GRID2: variants seen among roughly 807,000 people sequenced by gnomAD.
GRID2 encodes glutamate ionotropic receptor delta type subunit 2, also known as glutamate receptor ionotropic, delta-2.
A neutral mutation model predicts 114.8 loss-of-function variants in GRID2; 33 were observed. The observed-to-expected ratio is 0.29, with a 90% confidence interval of 0.22 to 0.38. GRID2 has a LOEUF of 0.38. Ranked by LOEUF, GRID2 falls within the 10% of genes least tolerant of loss-of-function variation. The probability of loss-of-function intolerance (pLI) is 1.00; values close to 1 mark genes in which losing one functional copy is unlikely to be tolerated. For synonymous variants in GRID2, 505 were observed against 449.9 expected (o/e 1.12, Z -1.55); for missense variants, 1,184 against 1,257.7 (o/e 0.94, Z 0.89).
intron 8 of GRID2, among the ~76,000 whole-genome samples, chr4:93,389,673 A>G (rs1764653814): frequency 6.6e-6 from 1 of 152,212 alleles, no homozygotes; most frequent in Admixed American, 6.5e-5. Flanking sequence ...TACTTGAGAC[A>G]ATATCCCTAG....
chr4:93,341,346 A>G (rs984328327), intron 8 of GRID2, among the ~76,000 whole-genome samples: 14 of 150,736 alleles, frequency 9.3e-5, no homozygotes, highest in African/African-American at 3.2e-4. Flanking sequence ...TTTCTTTGAG[A>G]CAGAGTCTCA....
intron 4 of GRID2, among the ~76,000 whole-genome samples, chr4:93,190,817 T>C (rs1283480722): frequency 6.6e-6 from 1 of 152,084 alleles, no homozygotes; most frequent in Non-Finnish European, 1.5e-5. Flanking sequence ...TTTGACATAA[T>C]TCTTTTCATT....
chr4:92,943,951 T>C (rs574145502), intron 2 of GRID2, among the ~76,000 whole-genome samples: 1 of 152,258 alleles, frequency 6.6e-6, no homozygotes, highest in Non-Finnish European at 1.5e-5. Flanking sequence ...GGAAGTTTTG[T>C]CTCAGAGGGG....
intron 14 of GRID2, among the ~76,000 whole-genome samples, chr4:93,691,040 T>C (rs993184570): frequency 6.6e-6 from 1 of 150,564 alleles, no homozygotes; most frequent in Non-Finnish European, 1.5e-5. Flanking sequence ...GCTTGACTTT[T>C]AATAAACACT....
rs1254495898 is a variant in GRID2 at position 93,638,310 on chromosome 4, T to TA, written c.2360+11875_2360+11876insA. Among the ~76,000 whole-genome samples, 14 of 41,132 alleles carry TA rather than the reference T, an allele frequency of 3.4e-4. 5 individuals are homozygous for TA. Among genetic ancestry groups the TA allele is most frequent in the African/African-American group, 2.9e-3 (12 of 4,076 alleles). 27.0% of individuals were successfully genotyped at this position (41,132 alleles called of 152,430 possible). On this transcript the variant is annotated intron_variant, in intron 14 of 15. Coordinates refer to ENST00000282020, the MANE Select transcript of GRID2 (RefSeq NM_001510.4). ...TATTTAAAACTTGCATCTTTTTTTTTTTTTTTTTTAATTATACTCTAAGTT... is the reference window on the plus strand; with the variant it reads ...TATTTAAAACTTGCATCTTTTTTTTTATTTTTTTTTAATTATACTCTAAGTT...
chr4:92,944,228 A>C (rs1325974827), intron 2 of GRID2, among the ~76,000 whole-genome samples: 1 of 152,006 alleles, frequency 6.6e-6, no homozygotes, highest in Non-Finnish European at 1.5e-5. Flanking sequence ...GGTGGGCTCC[A>C]CCCAATTTTG....
intron 8 of GRID2, among the ~76,000 whole-genome samples, chr4:93,243,206 A>G (rs1298341681): frequency 1.3e-5 from 2 of 152,046 alleles, no homozygotes; most frequent in East Asian, 3.9e-4. Context: ...TTTAATTACT[A>G]ATTTTTTTAA....
chr4:93,036,519 T>G lies in GRID2; in HGVS notation c.245-48476T>G, dbSNP rs114786406. Among the ~76,000 whole-genome samples, 219 of 152,272 alleles carry G rather than the reference T, an allele frequency of 1.4e-3. 1 individual carries two copies. The highest frequency in any genetic ancestry group is 5.2e-3 in the African/African-American group (216 of 41,578). On this transcript the variant is annotated intron_variant, in intron 2 of 15. Coordinates refer to ENST00000282020, the MANE Select transcript of GRID2 (RefSeq NM_001510.4). ...CATATTAATGAAAATCAAAATAATT[T>G]AAAATATAATAATGGCTTTCAGAGA...
intron 12 of GRID2, among the ~76,000 whole-genome samples, chr4:93,497,978 G>A (rs1047029236): frequency 2.6e-5 from 4 of 151,700 alleles, no homozygotes; most frequent in Non-Finnish European, 5.9e-5. Flanking sequence ...CACTTATTTA[G>A]ATCTTTGATT....
intron 2 of GRID2, among the ~76,000 whole-genome samples, chr4:92,976,573 C>T (rs189480829): frequency 6.6e-6 from 1 of 152,040 alleles, no homozygotes; most frequent in Non-Finnish European, 1.5e-5. Context: ...TAATACATTT[C>T]TGGCACACTA....
chr4:92,469,185 T>G (rs1159104827), intron 1 of GRID2, among the ~76,000 whole-genome samples: 1 of 152,178 alleles, frequency 6.6e-6, no homozygotes, highest in Non-Finnish European at 1.5e-5. Flanking sequence ...AAAGAAAACT[T>G]TCTTTTTGGA....
At chr4:92,400,737 G>T (rs1044914956) in intron 1 of GRID2, among the ~76,000 whole-genome samples, 2 of 151,886 alleles carry the variant, frequency 1.3e-5, no homozygotes, top group South Asian at 2.1e-4. Flanking sequence ...ACGCATGAAG[G>T]TTCTTATTTC....
At chr4:92,345,675 A>G (rs1219870279) in intron 1 of GRID2, among the ~76,000 whole-genome samples, 1 of 152,170 alleles carries the variant, frequency 6.6e-6, no homozygotes, top group African/African-American at 2.4e-5. Flanking sequence ...TTCACAGAGA[A>G]TTTTTTAAAA....
intron 4 of GRID2, among the ~76,000 whole-genome samples, chr4:93,191,909 C>A (rs1160806500): frequency 6.6e-6 from 1 of 152,144 alleles, no homozygotes; most frequent in African/African-American, 2.4e-5. Flanking sequence ...CCATAAATTG[C>A]TTGCTCATTA....
chr4:93,112,813 G>T (rs547908508), intron 4 of GRID2, among the ~76,000 whole-genome samples: 1 of 152,230 alleles, frequency 6.6e-6, no homozygotes, highest in South Asian at 2.1e-4. Context: ...GCTTGTAGAT[G>T]AATTCTTTTT....
intron 13 of GRID2, among the ~76,000 whole-genome samples, chr4:93,606,911 T>C (rs1439253915): frequency 1.3e-5 from 2 of 152,182 alleles, no homozygotes; most frequent in Admixed American, 6.5e-5. Context: ...ATATTTGGGC[T>C]TTTATTCAGT....
chr4:93,501,394 T>C (rs1400121668), intron 12 of GRID2, among the ~76,000 whole-genome samples: 1 of 152,018 alleles, frequency 6.6e-6, no homozygotes, highest in Non-Finnish European at 1.5e-5. Flanking sequence ...GAGGGCTGGC[T>C]CATACTGCCT....
chr4:93,223,970 A>T (rs1745185526), intron 6 of GRID2, among the ~76,000 whole-genome samples: 1 of 152,152 alleles, frequency 6.6e-6, no homozygotes, highest in South Asian at 2.1e-4. Context: ...GTAAACACAC[A>T]TTCACAAACA....
intron 14 of GRID2, among the ~76,000 whole-genome samples, chr4:93,676,712 TTAAAA>T (rs1240868722): frequency 1.4e-5 from 2 of 140,472 alleles, no homozygotes; most frequent in East Asian, 4.2e-4. Context: ...ACCCTAAAAC[TTAAAA>T]TATAATAATA....
Sources: allele counts gnomAD v4.1 joint callset (sites outside exome capture counted in the v4.1 genomes callset), GRCh38; gene constraint gnomAD v4.1.1; transcripts MANE v1.5; gene names NCBI Gene and HGNC (gene_info 2026-07-23, HGNC 2026-07-21).